Variants in DNM3 observed in about 807,000 individuals in gnomAD.
DNM3 encodes the protein dynamin-3.
In DNM3, 47 loss-of-function variants were observed where a neutral mutation model predicts 101.6. The ratio of observed to expected loss-of-function variants is 0.46; its 90% CI spans 0.37 to 0.59. The LOEUF (loss-of-function observed/expected upper bound fraction) is 0.59, where lower values mean the gene tolerates loss of function less well. Ranked by LOEUF, DNM3 falls within the 20% of genes least tolerant of loss-of-function variation. The pLI, the probability that DNM3 is intolerant of heterozygous loss-of-function variation, is 0.00. For synonymous variants in DNM3, 385 were observed against 387.9 expected (o/e 0.99, Z 0.09); for missense variants, 849 against 1,085.7 (o/e 0.78, Z 3.06).
intron 15 of DNM3, among the ~76,000 whole-genome samples, chr1:172,275,447 G>T (rs796341856): frequency 6.6e-6 from 1 of 151,842 alleles, no homozygotes; most frequent in Admixed American, 6.6e-5. Flanking sequence ...CTTCTTTATA[G>T]TGCCTTCTTT....
chr1:171,982,608 G>A (rs1165141484), intron 2 of DNM3, among the ~76,000 whole-genome samples: 1 of 152,076 alleles, frequency 6.6e-6, no homozygotes, highest in Non-Finnish European at 1.5e-5. Context: ...CATCCCTGCT[G>A]TGATTACTCT....
At chr1:172,187,472 C>T (rs983430979) in intron 14 of DNM3, among the ~76,000 whole-genome samples, 8 of 151,968 alleles carry the variant, frequency 5.3e-5, no homozygotes, top group Admixed American at 6.6e-5. Flanking sequence ...TTCTTCCCTC[C>T]CTGGTAGTAA....
chr1:172,387,382 G>T, intron 19 of DNM3, 23 bp downstream of exon 19: 1 of 1,592,276 alleles, frequency 6.3e-7, no homozygotes, highest in Non-Finnish European at 8.6e-7. Flanking sequence ...CCCCGGCCGG[G>T]TGCGGTGGCT....
At chr1:172,021,770 T>C (rs1387421954) in intron 4 of DNM3, among the ~76,000 whole-genome samples, 3 of 152,234 alleles carry the variant, frequency 2.0e-5, no homozygotes, top group African/African-American at 4.8e-5. Context: ...ATACTCATCA[T>C]TGTGGTTGTT....
intron 12 of DNM3, among the ~76,000 whole-genome samples, chr1:172,085,561 G>A (rs2053472269): frequency 6.6e-6 from 1 of 152,136 alleles, no homozygotes; most frequent in Admixed American, 6.6e-5. Context: ...TACACCGCAA[G>A]CAGCAGACCA....
intron 2 of DNM3, among the ~76,000 whole-genome samples, chr1:171,931,308 C>T (rs1365285323): frequency 1.3e-5 from 2 of 152,096 alleles, no homozygotes. Flanking sequence ...GATATTTTAA[C>T]CATTTTTATA....
chr1:172,121,566 G>C (rs1558602906), intron 13 of DNM3, among the ~76,000 whole-genome samples: 1 of 152,224 alleles, frequency 6.6e-6, no homozygotes, highest in Non-Finnish European at 1.5e-5. Flanking sequence ...AGTAGACGAT[G>C]ATGAAGGCAC....
chr1:172,186,105 C>T (rs1245905055), intron 14 of DNM3, among the ~76,000 whole-genome samples: 1 of 152,074 alleles, frequency 6.6e-6, no homozygotes, highest in Non-Finnish European at 1.5e-5. Flanking sequence ...GTGATTTTAA[C>T]TCACTTCCTG....
At chr1:172,074,730 G>A (rs999469111) in intron 11 of DNM3, among the ~76,000 whole-genome samples, 1 of 152,108 alleles carries the variant, frequency 6.6e-6, no homozygotes, top group Non-Finnish European at 1.5e-5. Context: ...TGGCATTTTG[G>A]TTGGTTCCAA....
chr1:172,381,824 A>C (rs1301808822), intron 18 of DNM3, among the ~76,000 whole-genome samples: 1 of 152,176 alleles, frequency 6.6e-6, no homozygotes, highest in Non-Finnish European at 1.5e-5. Context: ...TCTTTAAATG[A>C]GTTTGGATCA....
intron 17 of DNM3, among the ~76,000 whole-genome samples, chr1:172,334,309 G>A (rs2066322972): frequency 1.3e-5 from 2 of 152,226 alleles, no homozygotes; most frequent in Admixed American, 1.3e-4. Context: ...TTCTCAACCA[G>A]GGGTGATTTT....
chr1:172,007,519 A>T (rs1212221674), intron 4 of DNM3, among the ~76,000 whole-genome samples: 1 of 152,114 alleles, frequency 6.6e-6, no homozygotes, highest in African/African-American at 2.4e-5. Context: ...TGAGTTAAAA[A>T]TATTTCTGAT....
At chr1:171,860,003 A>G (rs2034005708) in intron 1 of DNM3, among the ~76,000 whole-genome samples, 1 of 152,148 alleles carries the variant, frequency 6.6e-6, no homozygotes, top group African/African-American at 2.4e-5. Context: ...TAGCAGAGGG[A>G]AGTTCAGGTA....
At chr1:172,335,368 A>G (rs1190302096) in intron 17 of DNM3, among the ~76,000 whole-genome samples, 2 of 152,200 alleles carry the variant, frequency 1.3e-5, no homozygotes, top group African/African-American at 4.8e-5. Context: ...TATGAAAGCT[A>G]TTAAAAATTT....
At chr1:171,894,353 A>G (rs191618197) in intron 1 of DNM3, among the ~76,000 whole-genome samples, 1 of 152,172 alleles carries the variant, frequency 6.6e-6, no homozygotes, top group East Asian at 1.9e-4. Context: ...AAAACCGGAA[A>G]GCTCTGGTCT....
intron 1 of DNM3, among the ~76,000 whole-genome samples, chr1:171,909,549 C>T (rs2039120083): frequency 6.6e-6 from 1 of 151,942 alleles, no homozygotes; most frequent in Admixed American, 6.6e-5. Flanking sequence ...AACTGAGTCT[C>T]TTATAGATTA....
At chr1:172,176,809 AC>A (rs1377213494) in intron 14 of DNM3, among the ~76,000 whole-genome samples, 2 of 151,846 alleles carry the variant, frequency 1.3e-5, no homozygotes, top group Non-Finnish European at 2.9e-5. Flanking sequence ...TCAGTGGGGA[AC>A]CCCAGAAAGT....
chr1:172,000,339 G>A (rs1572027047), intron 4 of DNM3, among the ~76,000 whole-genome samples: 1 of 152,078 alleles, frequency 6.6e-6, no homozygotes, highest in Non-Finnish European at 1.5e-5. Flanking sequence ...CAGGCCTACT[G>A]CTTAGGAATG....
At chr1:172,085,640 G>T (rs991619274) in intron 12 of DNM3, among the ~76,000 whole-genome samples, 1 of 152,140 alleles carries the variant, frequency 6.6e-6, no homozygotes, top group Non-Finnish European at 1.5e-5. Flanking sequence ...AAATGATACA[G>T]TGTGCAGATT....
Sources: allele counts gnomAD v4.1 joint callset (sites outside exome capture counted in the v4.1 genomes callset), GRCh38; gene constraint gnomAD v4.1.1; transcripts MANE v1.5; gene names NCBI Gene and HGNC (gene_info 2026-07-23, HGNC 2026-07-21).